SHC4: variants seen among roughly 807,000 people sequenced by gnomAD.
SHC4 encodes SHC-transforming protein 4.
A neutral mutation model predicts 69.4 loss-of-function variants in SHC4; 41 were observed. The observed-to-expected ratio is 0.59, with a 90% CI of 0.46 to 0.77. The LOEUF (loss-of-function observed/expected upper bound fraction) is 0.77, where lower values mean the gene tolerates loss of function less well. Among genes scored for constraint, SHC4 ranks in the 30% least tolerant of loss-of-function variants. SHC4 has a pLI of 0.00. For synonymous variants in SHC4, 318 were observed against 299.3 expected (o/e 1.06, Z -0.64); for missense variants, 777 against 783.8 (o/e 0.99, Z 0.10).
intron 1 of SHC4, among the ~76,000 whole-genome samples, chr15:48,934,951 A>G (rs2141030162): frequency 6.6e-6 from 1 of 152,320 alleles, no homozygotes; most frequent in South Asian, 2.1e-4. Context: ...TGTGACCTCT[A>G]ACAGGTACAA....
chr15:48,854,298 T>C lies in SHC4; in HGVS notation c.1242+1655A>G, dbSNP rs115277538. Reference sequence around the variant, plus strand: ...ACATATCATATCAGAATGACTATCATTAAAAAGGCAAAAATACAGATGCTG... The same window carrying C: ...ACATATCATATCAGAATGACTATCACTAAAAAGGCAAAAATACAGATGCTG... On this transcript the variant is annotated intron_variant, in intron 8 of 11. Transcript: ENST00000332408. 2.9e-3 allele frequency among the ~76,000 whole-genome samples: 448 copies of C among 152,132 alleles called. 4 individuals carry two copies. Among genetic ancestry groups the C allele is most frequent in the African/African-American group, 0.011 (440 of 41,510 alleles).
chr15:48,873,886 C>A (rs1443199210), intron 4 of SHC4, among the ~76,000 whole-genome samples: 2 of 152,034 alleles, frequency 1.3e-5, no homozygotes, highest in African/African-American at 2.4e-5. Context: ...AAGATCTGAA[C>A]AAGTAGAAAG....
In SHC4 at chr15:48,876,716, T is replaced by C. The variant is rs1286279894; in HGVS notation, c.841-4574A>G. On this transcript the variant is annotated intron_variant, in intron 4 of 11. Coordinates refer to ENST00000332408, the MANE Select transcript of SHC4 (RefSeq NM_203349.4). ...TAGGCCAGTCTCTCTTTTCACATTT[T>C]TCTGCCTGCTTATATTCTAGCCAAG... 9 of 535,514 alleles carry C rather than the reference T, an allele frequency of 1.7e-5. No homozygotes were observed. In the East Asian group the frequency reaches 2.8e-4, roughly 17 times the overall value. 33.2% of individuals were successfully genotyped at this position (535,514 alleles called of 1,614,324 possible).
chr15:48,929,586 A>G (rs1900917214), intron 1 of SHC4, among the ~76,000 whole-genome samples: 1 of 152,162 alleles, frequency 6.6e-6, no homozygotes, highest in South Asian at 2.1e-4. Context: ...TGAAAAGAGG[A>G]GTTATCCTGC....
At chr15:48,913,321 C>T (rs569848658) in intron 2 of SHC4, among the ~76,000 whole-genome samples, 1 of 152,016 alleles carries the variant, frequency 6.6e-6, no homozygotes, top group Admixed American at 6.5e-5. Flanking sequence ...GAGCTGTGTA[C>T]CTAGAAGGAT....
At chr15:48,837,394 T>C (rs999671327) in intron 10 of SHC4, among the ~76,000 whole-genome samples, 1 of 152,198 alleles carries the variant, frequency 6.6e-6, no homozygotes, top group Non-Finnish European at 1.5e-5. Flanking sequence ...ACTAGCTTTT[T>C]AAAATCTAGG....
chr15:48,897,508 C>CCACACA (rs57034071), intron 2 of SHC4, among the ~76,000 whole-genome samples: 14 of 142,934 alleles, frequency 9.8e-5, no homozygotes, highest in Non-Finnish European at 2.0e-4. Flanking sequence ...AGCAATGTCG[C>CCACACA]CACACACACA....
intron 8 of SHC4, among the ~76,000 whole-genome samples, chr15:48,852,438 GGTAT>G (rs1426262609): frequency 1.3e-5 from 2 of 152,112 alleles, no homozygotes; most frequent in African/African-American, 4.8e-5. Flanking sequence ...GAATTGAGAT[GGTAT>G]GTGAGTGTTC....
chr15:48,962,463 G>A lies in SHC4; in HGVS notation c.553C>T (p.Leu185=). 1 of 1,525,994 alleles carries A rather than the reference G, an allele frequency of 6.6e-7. No individual in the cohort carries two copies. The highest frequency in any genetic ancestry group is 8.8e-7 in the Non-Finnish European group (1 of 1,138,518). 94.5% of individuals were successfully genotyped at this position (1,525,994 alleles called of 1,614,324 possible). The stretch of plus-strand genomic sequence containing the variant: ...CAGTAGTTCATGCCCATCCCCAACA[G>A]GTGCTGTAGAAAGTGCCTGTCCTGC... ...SRQDRHFLQH[L]LGMGMNYCVR... Residue 185 remains leucine (L), a synonymous_variant, in exon 1 of 12, where the codon CTG becomes TTG. Coordinates refer to ENST00000332408, the MANE Select transcript of SHC4 (RefSeq NM_203349.4).
intron 3 of SHC4, among the ~76,000 whole-genome samples, chr15:48,889,738 G>A (rs1217412169): frequency 6.6e-6 from 1 of 152,190 alleles, no homozygotes; most frequent in Admixed American, 6.5e-5. Flanking sequence ...CAGCTACTCG[G>A]GGGGCTGAGG....
intron 9 of SHC4, among the ~76,000 whole-genome samples, chr15:48,847,425 A>C (rs1899114198): frequency 6.6e-6 from 1 of 152,210 alleles, no homozygotes; most frequent in Non-Finnish European, 1.5e-5. Context: ...ATTTTTCCAT[A>C]AGTATGAAGG....
intron 9 of SHC4, among the ~76,000 whole-genome samples, chr15:48,846,135 A>AT (rs1899087614): frequency 6.6e-6 from 1 of 152,106 alleles, no homozygotes; most frequent in Non-Finnish European, 1.5e-5. Context: ...AGTCACTGGG[A>AT]TTACAGGTGT....
intron 4 of SHC4, chr15:48,878,126 C>T: frequency 6.6e-7 from 1 of 1,509,170 alleles, no homozygotes; most frequent in Non-Finnish European, 8.9e-7. Context: ...CACGGCCGCG[C>T]AGCATCTGTC....
At chr15:48,920,186 T>G (rs1301914863) in intron 2 of SHC4, among the ~76,000 whole-genome samples, 1 of 151,580 alleles carries the variant, frequency 6.6e-6, no homozygotes, top group African/African-American at 2.4e-5. Context: ...GGCTAATTTT[T>G]TTTTTTTTGT....
At chr15:48,880,684 T>C (rs1899923065) in intron 4 of SHC4, among the ~76,000 whole-genome samples, 1 of 152,170 alleles carries the variant, frequency 6.6e-6, no homozygotes, top group Non-Finnish European at 1.5e-5. Context: ...ATTGACTTGG[T>C]TGTTTTTCAG....
intron 4 of SHC4, among the ~76,000 whole-genome samples, chr15:48,875,739 G>A (rs1272972277): frequency 1.3e-5 from 2 of 152,188 alleles, no homozygotes; most frequent in Non-Finnish European, 2.9e-5. Context: ...TATATGCATG[G>A]GTGGAGCAGC....
chr15:48,832,097 C>G (rs1419332253), intron 11 of SHC4, among the ~76,000 whole-genome samples: 1 of 152,104 alleles, frequency 6.6e-6, no homozygotes, highest in Admixed American at 6.5e-5. Flanking sequence ...ATGGCAAAAC[C>G]CTGTCTCTAC....
In SHC4 at chr15:48,856,131, A is replaced by G; in HGVS notation, c.1071-7T>C. On this transcript the variant is annotated splice_region_variant and splice_polypyrimidine_tract_variant and intron_variant, in intron 7 of 11. Transcript: ENST00000332408. ...ATCAATATGCACCTCCTCACTGTGA[A>G]GGAAAAAAGAATCCTCAAGAGGCTG... 6.2e-7 allele frequency: 1 copy of G among 1,607,746 alleles called. No individual in the cohort carries two copies. The highest frequency in any genetic ancestry group is 1.1e-5 in the South Asian group (1 of 89,868).
chr15:48,868,161 T>C lies in SHC4; in HGVS notation c.895-292A>G, dbSNP rs114511140. ...CAGATAGGGAACATGTTAGGACATA[T>C]TCTTTAAAACTGGCTAGAGACTATG... On this transcript the variant is annotated intron_variant, in intron 5 of 11. Coordinates refer to ENST00000332408, the MANE Select transcript of SHC4 (RefSeq NM_203349.4). Among the ~76,000 whole-genome samples the C allele has an allele frequency of 6.0e-3, 918 of 152,350 alleles. 6 individuals are homozygous for C. Among genetic ancestry groups the C allele is most frequent in the African/African-American group, 0.018 (766 of 41,584 alleles).
Sources: allele counts gnomAD v4.1 joint callset (sites outside exome capture counted in the v4.1 genomes callset), GRCh38; gene constraint gnomAD v4.1.1; transcripts MANE v1.5; gene names NCBI Gene and HGNC (gene_info 2026-07-23, HGNC 2026-07-21).